The following PACRG variants were observed in gnomAD, a reference collection of about 807,000 sequenced individuals.
PACRG encodes parkin coregulated.
In PACRG, 29 loss-of-function variants were observed where a neutral mutation model predicts 29.7. The observed-to-expected ratio is 0.98, with a 90% CI of 0.73 to 1.33. The LOEUF (loss-of-function observed/expected upper bound fraction) is 1.33. Ranked by LOEUF, PACRG falls within the 40% of genes most tolerant of loss-of-function variation. PACRG has a pLI of 0.00. For synonymous variants in PACRG, 116 were observed against 118.7 expected (o/e 0.98, Z 0.15); for missense variants, 279 against 316.2 (o/e 0.88, Z 0.89).
At chr6:162,841,495 T>C (rs184558866) in intron 2 of PACRG, among the ~76,000 whole-genome samples, 1 of 152,326 alleles carries the variant, frequency 6.6e-6, no homozygotes, top group Admixed American at 6.5e-5. Context: ...TTTTTTTCTT[T>C]ATTAGTCTTG....
chr6:163,020,007 A>G (rs943061393), intron 2 of PACRG, among the ~76,000 whole-genome samples: 1 of 152,236 alleles, frequency 6.6e-6, no homozygotes, highest in Non-Finnish European at 1.5e-5. Context: ...GTCTTTGGCG[A>G]GATGTCTTCG....
At chr6:162,760,718 G>A (rs1310123638) in intron 1 of PACRG, among the ~76,000 whole-genome samples, 1 of 152,096 alleles carries the variant, frequency 6.6e-6, no homozygotes, top group Non-Finnish European at 1.5e-5. Flanking sequence ...TAGAGGTCTT[G>A]GGAAGGCCTT....
intron 4 of PACRG, among the ~76,000 whole-genome samples, chr6:163,307,462 C>T (rs1378092924): frequency 6.6e-6 from 1 of 152,204 alleles, no homozygotes; most frequent in Non-Finnish European, 1.5e-5. Flanking sequence ...GCATCTCTAG[C>T]GTGCCAGATG....
chr6:163,258,626 A>G (rs1325312390), intron 4 of PACRG, among the ~76,000 whole-genome samples: 1 of 151,966 alleles, frequency 6.6e-6, no homozygotes, highest in Non-Finnish European at 1.5e-5. Flanking sequence ...CAATGGTGGC[A>G]GGCGCTTGTA....
intron 4 of PACRG, among the ~76,000 whole-genome samples, chr6:163,242,219 C>G (rs941479157): frequency 1.3e-5 from 2 of 152,170 alleles, no homozygotes; most frequent in Admixed American, 6.5e-5. Flanking sequence ...AGTCGAAATT[C>G]CATTTTCCGT....
chr6:163,167,309 G>A (rs1351207184), intron 4 of PACRG, among the ~76,000 whole-genome samples: 5 of 152,078 alleles, frequency 3.3e-5, no homozygotes, highest in Non-Finnish European at 7.4e-5. Context: ...TTAATGAGAT[G>A]TAAAAATTCT....
intron 4 of PACRG, among the ~76,000 whole-genome samples, chr6:163,283,293 C>T (rs1784280304): frequency 6.6e-6 from 1 of 152,122 alleles, no homozygotes; most frequent in African/African-American, 2.4e-5. Context: ...TGATGATTTC[C>T]AAAAAGCGCT....
At chr6:163,173,570 G>A (rs532536023) in intron 4 of PACRG, among the ~76,000 whole-genome samples, 369 of 152,294 alleles carry the variant, frequency 2.4e-3, no homozygotes, top group Non-Finnish European at 4.4e-3. Flanking sequence ...CCTGCAGTAA[G>A]GTGGGCTCGT....
chr6:162,844,272 C>T (rs577948850), intron 2 of PACRG, among the ~76,000 whole-genome samples: 435 of 149,986 alleles, frequency 2.9e-3, no homozygotes, highest in Non-Finnish European at 4.8e-3. Flanking sequence ...TAGGACCCTC[C>T]GAGCCAGGTG....
chr6:163,134,174 C>T (rs980704654), intron 4 of PACRG, among the ~76,000 whole-genome samples: 1 of 152,172 alleles, frequency 6.6e-6, no homozygotes, highest in African/African-American at 2.4e-5. Flanking sequence ...TTTCCTGCTT[C>T]AGTTGCTGGC....
At chr6:162,774,210 C>A (rs1783465038) in intron 1 of PACRG, among the ~76,000 whole-genome samples, 1 of 152,178 alleles carries the variant, frequency 6.6e-6, no homozygotes, top group Non-Finnish European at 1.5e-5. Context: ...CCCACTCTCT[C>A]CGACTCTGAA....
rs143964391 is a variant in PACRG, at chr6:163,119,365, A to G, written c.613+29957A>G. Among the ~76,000 whole-genome samples, 181 of 152,346 alleles carry G rather than the reference A, an allele frequency of 1.2e-3. 1 individual carries two copies. Among genetic ancestry groups the G allele is most frequent in the African/African-American group, 4.2e-3 (176 of 41,568 alleles). ...GGTTTGTTTCAAGGATTGAGTCAATATTAGCAAAGCATTCAGGACACCACC... is the reference window on the plus strand; with the variant it reads ...GGTTTGTTTCAAGGATTGAGTCAATGTTAGCAAAGCATTCAGGACACCACC... On this transcript the variant is annotated intron_variant, in intron 4 of 4. Coordinates refer to ENST00000366888, the MANE Select transcript of PACRG (RefSeq NM_001080379.2).
chr6:162,875,523 C>T (rs1793265722), intron 2 of PACRG, among the ~76,000 whole-genome samples: 1 of 152,208 alleles, frequency 6.6e-6, no homozygotes, highest in Non-Finnish European at 1.5e-5. Context: ...AGACATCCTC[C>T]ATCTTTTCTC....
At chr6:163,066,550 G>T (rs1217657576) in intron 3 of PACRG, among the ~76,000 whole-genome samples, 1 of 152,148 alleles carries the variant, frequency 6.6e-6, no homozygotes, top group African/African-American at 2.4e-5. Context: ...TTGCAGTAAT[G>T]ACTCTTAAAA....
chr6:162,927,589 C>T (rs530340277), intron 2 of PACRG, among the ~76,000 whole-genome samples: 57 of 151,896 alleles, frequency 3.8e-4, no homozygotes, highest in African/African-American at 1.4e-3. Context: ...ACTCATGAGT[C>T]GGAGCTGAAC....
At chr6:163,264,401 A>G (rs1284196323) in intron 4 of PACRG, among the ~76,000 whole-genome samples, 1 of 152,102 alleles carries the variant, frequency 6.6e-6, no homozygotes. Context: ...TGCTCTACAC[A>G]CTGCTCTGGG....
intron 4 of PACRG, among the ~76,000 whole-genome samples, chr6:163,299,017 C>T (rs140214871): frequency 6.6e-6 from 1 of 152,310 alleles, no homozygotes; most frequent in South Asian, 2.1e-4. Context: ...CTCTGAAGTA[C>T]TCTTATTTAA....
chr6:162,899,789 G>A (rs1356164002), intron 2 of PACRG, among the ~76,000 whole-genome samples: 1 of 152,190 alleles, frequency 6.6e-6, no homozygotes, highest in African/African-American at 2.4e-5. Flanking sequence ...TTGTTGCCCC[G>A]GGGAGGATAA....
chr6:163,177,710 A>ATTTTTTTTTTTTTTTTTTTT lies in PACRG; in HGVS notation c.613+88310_613+88329dup, dbSNP rs398003265. 1.6e-3 allele frequency among the ~76,000 whole-genome samples: 87 copies of ATTTTTTTTTTTTTTTTTTTT among 53,744 alleles called. 21 individuals are homozygous for ATTTTTTTTTTTTTTTTTTTT. Among genetic ancestry groups the ATTTTTTTTTTTTTTTTTTTT allele is most frequent in the South Asian group, 7.2e-3 (6 of 834 alleles). 35.3% of individuals were successfully genotyped at this position (53,744 alleles called of 152,430 possible). ...TGTTAGCTAAGAAATTAGAAAAGGG[A>ATTTTTTTTTTTTTTTTTTTT]TTTTTTTTTTTTTTTTTTTTTTTTT... On this transcript the variant is annotated intron_variant, in intron 4 of 4. Transcript: ENST00000366888.
Sources: gnomAD v4.1 joint callset for allele counts (sites outside exome capture counted in the v4.1 genomes callset) on GRCh38, gnomAD v4.1.1 for gene constraint, MANE v1.5 for transcripts, NCBI Gene and HGNC (gene_info 2026-07-23, HGNC 2026-07-21) for gene names.